Variants in CDC42BPA observed in about 807,000 individuals in gnomAD.
CDC42BPA encodes the protein CDC42 binding protein kinase alpha.
In CDC42BPA, 80 loss-of-function variants were observed where a neutral mutation model predicts 223.5. The observed-to-expected ratio is 0.36, with a 90% CI of 0.30 to 0.43. CDC42BPA has a LOEUF of 0.43. Ranked by LOEUF, CDC42BPA falls within the 20% of genes least tolerant of loss-of-function variation. The pLI, the probability that CDC42BPA is intolerant of heterozygous loss-of-function variation, is 1.00. For missense variants in CDC42BPA, 1,743 were observed against 2,099.9 expected, an observed-to-expected ratio of 0.83 and a Z score of 3.32; for synonymous variants, 694 against 718.6, an observed-to-expected ratio of 0.97 and a Z score of 0.55.
At position 227,035,698 on chromosome 1, in the gene CDC42BPA, G is replaced by A. The variant is rs12565685; in HGVS notation, c.3200-91C>T. 3.1e-3 allele frequency: 2,520 copies of A among 823,884 alleles called. 62 individuals carry two copies. The East Asian group carries it at 0.039, about 13-fold the overall frequency. 51.0% of individuals were successfully genotyped at this position (823,884 alleles called of 1,614,324 possible). Reference sequence around the variant, plus strand: ...TCACTGCATACAAGATGCTATGTTAGATGAATGCTTATCTCCAATTTTATT... The same window carrying A: ...TCACTGCATACAAGATGCTATGTTAAATGAATGCTTATCTCCAATTTTATT... On this transcript the variant is annotated intron_variant, in intron 24 of 36. Transcript: ENST00000366766.
At chr1:226,999,289 G>A (rs1159591415) in intron 35 of CDC42BPA, among the ~76,000 whole-genome samples, 1 of 151,450 alleles carries the variant, frequency 6.6e-6, no homozygotes, top group Non-Finnish European at 1.5e-5. Flanking sequence ...CCATTCTCCT[G>A]CCTCAGCCTC....
chr1:227,209,149 T>C (rs1673400323), intron 3 of CDC42BPA, among the ~76,000 whole-genome samples: 1 of 134,424 alleles, frequency 7.4e-6, no homozygotes, highest in Non-Finnish European at 1.6e-5. Flanking sequence ...ATGATTTGGC[T>C]CTCTGTTTGT....
chr1:227,279,569 T>C (rs1687678367), intron 1 of CDC42BPA, among the ~76,000 whole-genome samples: 1 of 152,124 alleles, frequency 6.6e-6, no homozygotes, highest in Admixed American at 6.5e-5. Context: ...TATTATAAAT[T>C]AAGTGGTTTA....
Position 227,051,994 on chromosome 1 carries a change from A to G in CDC42BPA, c.2905-9T>C. ...TTCTCAACGGGATCAGTCTAGGAAA[A>G]TAAGTCGGGAAAAATAAAAACCCAA... On this transcript the variant is annotated splice_polypyrimidine_tract_variant and intron_variant, in intron 21 of 36. Transcript: ENST00000366766. The G allele has an allele frequency of 4.4e-6, 6 of 1,361,482 alleles. No individual in the cohort carries two copies. Among genetic ancestry groups the G allele is most frequent in the Non-Finnish European group, 5.9e-6 (6 of 1,017,368 alleles). The allele number at this position is 1,361,482 out of a possible 1,614,324, so 84.3% of individuals were successfully genotyped here.
chr1:227,252,236 G>C (rs1682139073), intron 2 of CDC42BPA, among the ~76,000 whole-genome samples: 1 of 151,736 alleles, frequency 6.6e-6, no homozygotes, highest in Non-Finnish European at 1.5e-5. Flanking sequence ...TCATGGAAAA[G>C]ATAATAAACT....
chr1:227,220,134 A>T (rs1675568317), intron 2 of CDC42BPA, among the ~76,000 whole-genome samples: 1 of 151,782 alleles, frequency 6.6e-6, no homozygotes, highest in Non-Finnish European at 1.5e-5. Context: ...CCAGCCCTGT[A>T]CCCCATTCTT....
chr1:227,315,363 A>G (rs890204168), intron 1 of CDC42BPA, among the ~76,000 whole-genome samples: 4 of 152,074 alleles, frequency 2.6e-5, no homozygotes, highest in Non-Finnish European at 5.9e-5. Context: ...CTACTTACCT[A>G]AACTCTAATA....
chr1:227,174,536 C>T (rs747259749), intron 5 of CDC42BPA, among the ~76,000 whole-genome samples: 35 of 152,034 alleles, frequency 2.3e-4, no homozygotes, highest in Non-Finnish European at 2.9e-5. Context: ...TGGTATTTCC[C>T]CCCCAACAAA....
intron 16 of CDC42BPA, among the ~76,000 whole-genome samples, chr1:227,085,582 T>G (rs1325640960): frequency 6.6e-6 from 1 of 152,138 alleles, no homozygotes; most frequent in Admixed American, 6.5e-5. Context: ...CAAAGCAAAG[T>G]TTCATTTCTT....
At chr1:227,059,357 T>G (rs981606569) in intron 21 of CDC42BPA, 1 of 1,558,902 alleles carries the variant, frequency 6.4e-7, no homozygotes, top group Admixed American at 1.9e-5. Context: ...GTACATAAAG[T>G]GCAAAAGTCT....
intron 2 of CDC42BPA, among the ~76,000 whole-genome samples, chr1:227,230,235 T>C (rs1677586967): frequency 6.6e-6 from 1 of 152,250 alleles, no homozygotes. Context: ...TTCTTATACC[T>C]TCAAACAGAT....
At chr1:227,068,705 T>C in intron 21 of CDC42BPA, 2 of 1,175,960 alleles carry the variant, frequency 1.7e-6, no homozygotes, top group Non-Finnish European at 1.1e-6. Context: ...AGGAATCCTA[T>C]TTAACGAATA....
chr1:227,216,118 C>CTA (rs1674785978), intron 2 of CDC42BPA, among the ~76,000 whole-genome samples: 1 of 137,082 alleles, frequency 7.3e-6, no homozygotes, highest in African/African-American at 2.8e-5. Context: ...CTTTTTCTCT[C>CTA]TCTATATATA....
chr1:227,059,009 T>A, intron 21 of CDC42BPA, among the ~76,000 whole-genome samples: 1 of 152,168 alleles, frequency 6.6e-6, no homozygotes, highest in East Asian at 1.9e-4. Flanking sequence ...ATAATTAAAA[T>A]CTCTAAGAAA....
chr1:227,137,678 CA>C (rs34947627), intron 10 of CDC42BPA, among the ~76,000 whole-genome samples: 8,104 of 144,298 alleles, frequency 0.056, 246 homozygotes, highest in Non-Finnish European at 0.074. Context: ...AACAGCAGTA[CA>C]AAAAAAAAAA....
intron 32 of CDC42BPA, among the ~76,000 whole-genome samples, chr1:227,019,836 T>A (rs926449159): frequency 2.0e-5 from 3 of 152,162 alleles, no homozygotes; most frequent in Non-Finnish European, 2.9e-5. Context: ...TGTAAACAGA[T>A]GTGTTGCCAT....
intron 2 of CDC42BPA, among the ~76,000 whole-genome samples, chr1:227,238,540 GA>G (rs1679484587): frequency 6.6e-6 from 1 of 151,998 alleles, no homozygotes; most frequent in Non-Finnish European, 1.5e-5. Flanking sequence ...TTGCCACAGA[GA>G]ACATATGAAC....
chr1:227,003,211 A>G (rs562912274), intron 35 of CDC42BPA, among the ~76,000 whole-genome samples: 12 of 152,164 alleles, frequency 7.9e-5, no homozygotes, highest in African/African-American at 2.9e-4. Context: ...AGAAGGGAAC[A>G]AGTAAGTTTT....
chr1:227,027,990 T>C (rs1047499386), intron 30 of CDC42BPA, among the ~76,000 whole-genome samples: 21 of 152,060 alleles, frequency 1.4e-4, no homozygotes, highest in Middle Eastern at 3.4e-3. Flanking sequence ...TGTGGTGGTG[T>C]GCACCTGCTG....
Sources: allele counts gnomAD v4.1 joint callset (sites outside exome capture counted in the v4.1 genomes callset), GRCh38; gene constraint gnomAD v4.1.1; transcripts MANE v1.5; gene names NCBI Gene and HGNC (gene_info 2026-07-23, HGNC 2026-07-21).